Variants in ZNF37A observed in about 807,000 individuals in gnomAD.
ZNF37A encodes the protein zinc finger protein 37A.
In ZNF37A, 10 loss-of-function variants were observed where a neutral mutation model predicts 12.3. The ratio of observed to expected loss-of-function variants is 0.82; its 90% CI spans 0.50 to 1.38. The LOEUF (loss-of-function observed/expected upper bound fraction) is 1.38. Ranked by LOEUF, ZNF37A falls within the 40% of genes most tolerant of loss-of-function variation. The pLI is 0.00. For synonymous variants in ZNF37A, 207 were observed against 223.0 expected (o/e 0.93, Z 0.64); for missense variants, 580 against 651.2 (o/e 0.89, Z 1.19).
At chr10:38,132,972 G>C (rs187746366) in intron 7 of ZNF37A, among the ~76,000 whole-genome samples, 1 of 152,088 alleles carries the variant, frequency 6.6e-6, no homozygotes, top group African/African-American at 2.4e-5. Context: ...GTGCATAAAT[G>C]CTTATAACTT....
chr10:38,101,502 G>A (rs556749474), intron 5 of ZNF37A, among the ~76,000 whole-genome samples: 90 of 151,710 alleles, frequency 5.9e-4, no homozygotes, highest in Non-Finnish European at 1.2e-3. Context: ...GATCATTTTG[G>A]CTAGTTGAGA....
chr10:38,129,248 A>G (rs2069975434), downstream of ZNF37A, among the ~76,000 whole-genome samples: 1 of 148,268 alleles, frequency 6.7e-6, no homozygotes, highest in Non-Finnish European at 1.5e-5. Context: ...AAGAGGAGGC[A>G]TAGTGATCTT....
intron 5 of ZNF37A, among the ~76,000 whole-genome samples, chr10:38,112,119 AAAC>A (rs1469827166): frequency 6.7e-6 from 1 of 148,482 alleles, no homozygotes; most frequent in African/African-American, 2.5e-5. Flanking sequence ...GCCAGGATTC[AAAC>A]AACAACCACC....
intron 7 of ZNF37A, among the ~76,000 whole-genome samples, chr10:38,130,813 A>G (rs1288735261): frequency 1.3e-5 from 2 of 152,116 alleles, no homozygotes. Context: ...TTACATTCCC[A>G]TAAGCAATGC....
intron 5 of ZNF37A, among the ~76,000 whole-genome samples, chr10:38,107,189 G>A (rs1026852655): frequency 6.6e-6 from 1 of 152,126 alleles, no homozygotes; most frequent in Non-Finnish European, 1.5e-5. Flanking sequence ...AAGAGAGTGG[G>A]GGCCAATATT....
exon 8 of ZNF37A, chr10:38,148,046 T>C (rs2070276543): frequency 1.3e-5 from 2 of 152,312 alleles, no homozygotes; most frequent in Non-Finnish European, 2.9e-5. Flanking sequence ...ATCAAGGAGA[T>C]GCATGCCTGG....
intron 7 of ZNF37A, 33 bp from the exon 8 acceptor site, chr10:38,117,357 T>C: frequency 2.6e-6 from 4 of 1,532,740 alleles, no homozygotes; most frequent in Non-Finnish European, 2.6e-6. Flanking sequence ...CATATCCTCG[T>C]CAACTAACCT....
Position 38,117,441 on chromosome 10 carries a change from A to G in ZNF37A, c.290A>G (p.Asn97Ser), listed in dbSNP as rs1416803150. Residue 97 changes from asparagine to serine, a missense_variant, in exon 8 of 8, where the codon AAC becomes AGC. Asn to Ser is a conservative substitution (Grantham distance 46). Transcript: ENST00000685332. ...TCAATAATGAAGTTCAATGAGTTTA[A>G]CAAAGGTGGAAAATGTTTCTGTGAT... ...NYSIMKFNEF[N>S]KGGKCFCDEK... The G allele has an allele frequency of 1.2e-6, 2 of 1,601,838 alleles. No individual in the cohort carries two copies. Among genetic ancestry groups the G allele is most frequent in the South Asian group, 2.3e-5 (2 of 87,906 alleles).
chr10:38,129,522 G>A (rs1046878548), downstream of ZNF37A, among the ~76,000 whole-genome samples: 1 of 151,786 alleles, frequency 6.6e-6, no homozygotes, highest in African/African-American at 2.4e-5. Context: ...AGAACATGAG[G>A]CATTTAGTTT....
At chr10:38,127,736 G>T (rs555156176), downstream of ZNF37A, among the ~76,000 whole-genome samples, 43 of 152,284 alleles carry the variant, frequency 2.8e-4, no homozygotes, top group African/African-American at 1.0e-3. Flanking sequence ...TGACACAGAG[G>T]TAAATACTAG....
intron 5 of ZNF37A, among the ~76,000 whole-genome samples, chr10:38,102,363 A>G (rs1303590243): frequency 6.6e-6 from 1 of 152,090 alleles, no homozygotes. Context: ...AATACTTGGA[A>G]TTGCAATTAA....
At chr10:38,137,853 AG>A (rs1326554568) in intron 7 of ZNF37A, 1 of 152,244 alleles carries the variant, frequency 6.6e-6, no homozygotes, top group African/African-American at 2.4e-5. Context: ...TTGTGCAGAT[AG>A]AGATGGATTT....
intron 4 of ZNF37A, among the ~76,000 whole-genome samples, chr10:38,096,106 A>G (rs1466113951): frequency 1.3e-5 from 2 of 152,170 alleles, no homozygotes; most frequent in African/African-American, 2.4e-5. Context: ...GGTTGCGGTG[A>G]GTCGAGATCA....
At chr10:38,127,049 T>C (rs1045574970), downstream of ZNF37A, among the ~76,000 whole-genome samples, 2 of 152,212 alleles carry the variant, frequency 1.3e-5, no homozygotes, top group African/African-American at 4.8e-5. Flanking sequence ...TGTTTTCAAG[T>C]GCAAAAAGTA....
At chr10:38,134,985 T>TA (rs1486359325) in intron 7 of ZNF37A, among the ~76,000 whole-genome samples, 3 of 152,240 alleles carry the variant, frequency 2.0e-5, no homozygotes. Context: ...CACTTACTTA[T>TA]ACGTATATTC....
chr10:38,096,233 T>C (rs559338385), intron 4 of ZNF37A, among the ~76,000 whole-genome samples: 2 of 152,232 alleles, frequency 1.3e-5, no homozygotes, highest in Admixed American at 6.5e-5. Context: ...CAAAACCTTG[T>C]TGGGATTCTC....
At chr10:38,100,108 C>G (rs983390438) in intron 5 of ZNF37A, among the ~76,000 whole-genome samples, 2 of 152,044 alleles carry the variant, frequency 1.3e-5, no homozygotes, top group Admixed American at 1.3e-4. Flanking sequence ...ATAAAACCAG[C>G]AAGTTTTTAT....
chr10:38,127,786 T>C (rs1368953085), downstream of ZNF37A, among the ~76,000 whole-genome samples: 1 of 152,174 alleles, frequency 6.6e-6, no homozygotes, highest in African/African-American at 2.4e-5. Context: ...CTGAAGTAAG[T>C]ATTTGCAGAA....
rs766936428 is a variant in ZNF37A, at chr10:38,115,280, G to C, written c.228G>C (p.Gln76His). The C allele has an allele frequency of 6.2e-7, 1 of 1,613,522 alleles. No homozygotes were observed. The highest frequency in any genetic ancestry group is 2.2e-5 in the East Asian group (1 of 44,818). ...PWILEEKFPS[Q>H]SHLELINTSR... ...TATTAGAGGAAAAATTTCCAAGCCA[G>C]AGTCATCTGGGTGAGTTAGTATGTG... Residue 76 changes from glutamine (Q) to histidine (H), a missense_variant, in exon 7 of 8, where the codon CAG (glutamine) becomes CAC (histidine). By Grantham distance (24) the Gln-to-His change is conservative (BLOSUM62 0). Coordinates refer to ENST00000685332, the MANE Select transcript of ZNF37A (RefSeq NM_001324250.3).
Sources: allele counts gnomAD v4.1 joint callset (sites outside exome capture counted in the v4.1 genomes callset), GRCh38; gene constraint gnomAD v4.1.1; transcripts MANE v1.5; gene names NCBI Gene and HGNC (gene_info 2026-07-23, HGNC 2026-07-21).